The following SETD5 variants were observed in gnomAD, a reference collection of about 807,000 sequenced individuals.
The protein encoded by SETD5 is histone-lysine N-methyltransferase SETD5.
SETD5 carries 44 observed loss-of-function variants against 153.3 expected under a neutral mutation model. The ratio of observed to expected loss-of-function variants is 0.29; its 90% CI spans 0.23 to 0.37. SETD5 has a LOEUF of 0.37. Ranked by LOEUF, SETD5 falls within the 10% of genes least tolerant of loss-of-function variation. The pLI is 1.00. For synonymous variants in SETD5, 716 were observed against 645.2 expected (o/e 1.11, Z -1.66); for missense variants, 1,544 against 1,768.0 (o/e 0.87, Z 2.27).
intron 1 of SETD5, among the ~76,000 whole-genome samples, chr3:9,414,622 A>C (rs1260495326): frequency 6.6e-6 from 1 of 152,148 alleles, no homozygotes; most frequent in Non-Finnish European, 1.5e-5. Flanking sequence ...AGGACATAAA[A>C]TGGAAGGATA....
At chr3:9,410,934 G>A (rs1227150962) in intron 1 of SETD5, among the ~76,000 whole-genome samples, 2 of 151,046 alleles carry the variant, frequency 1.3e-5, no homozygotes, top group Non-Finnish European at 2.9e-5. Flanking sequence ...TGTTTCGCAG[G>A]CTGGAGTGCA....
chr3:9,473,173 G>C, intron 19 of SETD5, 63 bp from the exon 20 acceptor site: 1 of 1,526,742 alleles, frequency 6.5e-7, no homozygotes, highest in Non-Finnish European at 8.8e-7. Flanking sequence ...CCTGTTGCTG[G>C]TGATCCACTA....
intron 17 of SETD5, among the ~76,000 whole-genome samples, chr3:9,459,466 A>G (rs1371759117): frequency 6.6e-6 from 1 of 151,990 alleles, no homozygotes; most frequent in Admixed American, 6.6e-5. Context: ...AGCACCTTGA[A>G]TTTGTAAGAA....
intron 3 of SETD5, chr3:9,429,877 G>GA: frequency 2.3e-6 from 3 of 1,303,934 alleles, no homozygotes; most frequent in Non-Finnish European, 3.0e-6. Flanking sequence ...ACTACACCAG[G>GA]ATGTGAAAGT....
chr3:9,440,896 T>G (rs1264335328), intron 8 of SETD5, among the ~76,000 whole-genome samples, 198 bp downstream of exon 8: 1 of 152,128 alleles, frequency 6.6e-6, no homozygotes, highest in Non-Finnish European at 1.5e-5. Flanking sequence ...TAAACTACCT[T>G]TATTAATAAA....
In SETD5 at chr3:9,419,098, A is replaced by G. The variant is rs189561778; in HGVS notation, c.-176-5369A>G. 4.9e-3 allele frequency among the ~76,000 whole-genome samples: 751 copies of G among 152,198 alleles called. 11 individuals are homozygous for G. The highest frequency in any genetic ancestry group is 0.017 in the African/African-American group (723 of 41,502). On this transcript the variant is annotated intron_variant, in intron 1 of 22. Coordinates refer to ENST00000402198, the MANE Select transcript of SETD5 (RefSeq NM_001080517.3). ...CGCCTTGGCCTCCCAAAGTGCTGGG[A>G]TTGCAGGCATGAGCCACCACACCCG...
chr3:9,476,245 C>A lies in SETD5; in HGVS notation c.*154C>A. ...GGACAAGAAACAAGACTTGTGGTCA[C>A]AATTGGCCTCTGGCCTTGGAGAAAG... On this transcript the variant is annotated 3_prime_UTR_variant, in exon 23 of 23. Coordinates refer to ENST00000402198, the MANE Select transcript of SETD5 (RefSeq NM_001080517.3). 9.4e-7 allele frequency: 1 copy of A among 1,063,002 alleles called. No homozygotes were observed. The highest frequency in any genetic ancestry group is 1.3e-6 in the Non-Finnish European group (1 of 759,154). The allele number at this position is 1,063,002 out of a possible 1,614,324, so 65.8% of individuals were successfully genotyped here.
At chr3:9,431,385 A>G (rs1186056190) in intron 3 of SETD5, 2 of 984,836 alleles carry the variant, frequency 2.0e-6, no homozygotes, top group Non-Finnish European at 2.4e-6. Context: ...AAAGCCTGTA[A>G]TTACATTTGC....
intron 18 of SETD5, among the ~76,000 whole-genome samples, chr3:9,468,293 A>G (rs999977191): frequency 3.3e-5 from 5 of 152,008 alleles, no homozygotes; most frequent in African/African-American, 7.3e-5. Flanking sequence ...ATTATAACCA[A>G]TTTATCCTTA....
rs58994037 is a variant in SETD5 at position 9,477,679 on chromosome 3, AT to A, written c.*1610del. ...CAGGTGTTTGCTCAAATGAGGGGAG[AT>A]TTTTTTTTTTTTTTTTTTTTTAAAT... On this transcript the variant is annotated 3_prime_UTR_variant, in exon 23 of 23. Coordinates refer to ENST00000402198, the MANE Select transcript of SETD5 (RefSeq NM_001080517.3). The A allele has an allele frequency of 0.093, 11,659 of 125,798 alleles. 1,225 individuals are homozygous for A. The highest frequency in any genetic ancestry group is 0.27 in the African/African-American group (9,153 of 34,380). The allele number at this position is 125,798 out of a possible 1,614,324, so 7.8% of individuals were successfully genotyped here. A position where few individuals can be genotyped will look rare whatever the true frequency, so the allele number is the denominator to read the frequency against.
intron 1 of SETD5, among the ~76,000 whole-genome samples, chr3:9,402,806 A>G (rs747727423): frequency 6.6e-6 from 1 of 152,204 alleles, no homozygotes; most frequent in Non-Finnish European, 1.5e-5. Context: ...GATTTGTGCT[A>G]CCTAATGGAG....
intron 12 of SETD5, 95 bp from the exon 13 acceptor site, chr3:9,445,562 A>G (rs762962466): frequency 1.2e-4 from 138 of 1,119,974 alleles, no homozygotes; most frequent in Non-Finnish European, 1.7e-4. Flanking sequence ...TTAAAGCACT[A>G]GAGATTGTTA....
intron 1 of SETD5, chr3:9,398,678 T>G (rs2034180559): frequency 6.6e-6 from 1 of 152,272 alleles, no homozygotes; most frequent in Non-Finnish European, 1.5e-5. Flanking sequence ...TGTGAGAATA[T>G]CTTCAAAGGC....
chr3:9,397,708 C>T lies in SETD5; in HGVS notation c.-446C>T. 1 of 177,538 alleles carries T rather than the reference C, an allele frequency of 5.6e-6. No individual in the cohort carries two copies. The highest frequency in any genetic ancestry group is 1.1e-5 in the Non-Finnish European group (1 of 89,192). 11.0% of individuals were successfully genotyped at this position (177,538 alleles called of 1,614,324 possible). ...CCGCTGCCGGGGGAGGGGCGGCCGC[C>T]GCCCGCCTGCGCTCAGAGACTCACG... On this transcript the variant is annotated 5_prime_UTR_variant, in exon 1 of 23. Transcript: ENST00000402198.
In SETD5 at chr3:9,434,289, G is replaced by A. The variant is rs1339058214; in HGVS notation, c.178-45G>A. ...ATCTTATTTTCAGGATCATAATTAC[G>A]GAGCCCCTCCTCCTCCGACACCTCC... On this transcript the variant is annotated intron_variant, in intron 4 of 22. Transcript: ENST00000402198. This position sits in a 1 kb window ranked among gnomAD's most constrained non-coding sequence, Gnocchi z 5.6. 1 of 1,609,806 alleles carries A rather than the reference G, an allele frequency of 6.2e-7. No individual in the cohort carries two copies. The highest frequency in any genetic ancestry group is 8.5e-7 in the Non-Finnish European group (1 of 1,176,366).
intron 2 of SETD5, among the ~76,000 whole-genome samples, chr3:9,428,308 C>G (rs2039560711): frequency 6.6e-6 from 1 of 152,160 alleles, no homozygotes; most frequent in Admixed American, 6.5e-5. Flanking sequence ...TAAGAAACAG[C>G]TGTTTCCAAT....
chr3:9,445,752 C>G lies in SETD5; in HGVS notation c.1524+12C>G. 1 of 1,588,138 alleles carries G rather than the reference C, an allele frequency of 6.3e-7. No homozygotes were observed. Among genetic ancestry groups the G allele is most frequent in the Non-Finnish European group, 8.6e-7 (1 of 1,166,514 alleles). ...CTCATAGCAGGAGGGTGAGTACTGTCTGACATTACTTTGCTCCTTCTCATT... is the reference window on the plus strand; with the variant it reads ...CTCATAGCAGGAGGGTGAGTACTGTGTGACATTACTTTGCTCCTTCTCATT... On this transcript the variant is annotated intron_variant, in intron 13 of 22. Coordinates refer to ENST00000402198, the MANE Select transcript of SETD5 (RefSeq NM_001080517.3).
chr3:9,452,208 C>G (rs1287020990), intron 16 of SETD5, among the ~76,000 whole-genome samples: 1 of 152,176 alleles, frequency 6.6e-6, no homozygotes, highest in African/African-American at 2.4e-5. Flanking sequence ...AGTACATCTA[C>G]TAGACCCTGG....
chr3:9,435,926 C>T lies in SETD5; in HGVS notation c.567+20C>T, dbSNP rs537574922. The T allele has an allele frequency of 7.1e-6, 11 of 1,543,884 alleles. No homozygotes were observed. The highest frequency in any genetic ancestry group is 2.1e-5 in the Admixed American group (1 of 47,084). On this transcript the variant is annotated intron_variant, in intron 7 of 22. Coordinates refer to ENST00000402198, the MANE Select transcript of SETD5 (RefSeq NM_001080517.3). The stretch of plus-strand genomic sequence containing the variant: ...ATCAAGGTATGCAGGGTAAAAATAT[C>T]TTAAATAGAAATTGTCTGAAATAGC...
Sources: gnomAD v4.1 joint callset for allele counts (sites outside exome capture counted in the v4.1 genomes callset) on GRCh38, gnomAD v4.1.1 for gene constraint, Gnocchi (gnomAD v3.1) non-coding constraint, MANE v1.5 for transcripts, NCBI Gene and HGNC (gene_info 2026-07-23, HGNC 2026-07-21) for gene names.